MTRF1: variants seen among roughly 807,000 people sequenced by gnomAD.
The protein encoded by MTRF1 is mitochondrial translation release factor 1.
In MTRF1, 51 loss-of-function variants were observed where a neutral mutation model predicts 62.9. The ratio of observed to expected loss-of-function variants is 0.81; its 90% CI spans 0.65 to 1.02. The LOEUF (loss-of-function observed/expected upper bound fraction) is 1.02. MTRF1 is among the 50% of genes least tolerant of loss of function. MTRF1 has a pLI of 0.00. For missense variants in MTRF1, 446 were observed against 530.0 expected (o/e 0.84, Z 1.56); for synonymous variants, 158 against 181.9 (o/e 0.87, Z 1.06).
rs949066760 is a variant in MTRF1, at chr13:41,234,876, C to T, written c.871-869G>A. Among the ~76,000 whole-genome samples the T allele has an allele frequency of 2.6e-5, 4 of 152,114 alleles. No homozygotes were observed. The South Asian group carries it at 6.2e-4, about 24-fold the overall frequency. On this transcript the variant is annotated intron_variant, in intron 6 of 9. Transcript: ENST00000379480. ...TGGAGGTGTAGGGGGCAGAGCAGAG[C>T]AGTGCTCTGGTTCTGGGGCCAATTT... is the stretch of plus-strand genomic sequence containing the variant.
the MTRF1 span, among the ~76,000 whole-genome samples, chr13:41,284,008 AAC>A: frequency 2.0e-5 from 3 of 152,108 alleles, no homozygotes; most frequent in Admixed American, 2.0e-4. Flanking sequence ...CCATCCCCAT[AAC>A]ACAATCAGGT....
chr13:41,237,048 G>A (rs533358284), intron 6 of MTRF1, among the ~76,000 whole-genome samples: 4 of 151,822 alleles, frequency 2.6e-5, no homozygotes, highest in Admixed American at 6.6e-5. Context: ...GCGAAACCTC[G>A]TCGCTACAAA....
chr13:41,247,375 G>A (rs767349957), intron 5 of MTRF1, among the ~76,000 whole-genome samples: 2 of 152,178 alleles, frequency 1.3e-5, no homozygotes, highest in African/African-American at 4.8e-5. Flanking sequence ...CATTGACAGG[G>A]ATGGAGAAAA....
At chr13:41,311,124 C>T in the MTRF1 span, 1 of 280,306 alleles carries the variant, frequency 3.6e-6, no homozygotes, top group Non-Finnish European at 6.8e-6. Flanking sequence ...GCCGAGATTG[C>T]GGCGAGGAGA....
chr13:41,306,461 C>T, the MTRF1 span, among the ~76,000 whole-genome samples: 17 of 151,906 alleles, frequency 1.1e-4, no homozygotes, highest in Non-Finnish European at 2.2e-4. Flanking sequence ...GGGTGGAACA[C>T]GTTGTATAAC....
intron 3 of MTRF1, among the ~76,000 whole-genome samples, chr13:41,253,466 C>T (rs2039332400): frequency 1.3e-5 from 2 of 152,210 alleles, no homozygotes. Flanking sequence ...ACCAGCCATG[C>T]TGTGCCTTCT....
chr13:41,254,272 C>T (rs554801737), intron 3 of MTRF1, among the ~76,000 whole-genome samples: 2 of 152,236 alleles, frequency 1.3e-5, no homozygotes, highest in South Asian at 2.1e-4. Context: ...TTTACCAGCA[C>T]GTATTCTCTT....
intron 8 of MTRF1, among the ~76,000 whole-genome samples, chr13:41,224,597 A>G (rs2034018245): frequency 6.6e-6 from 1 of 152,182 alleles, no homozygotes; most frequent in East Asian, 1.9e-4. Flanking sequence ...GTCCCAAAGC[A>G]CCATATTAAT....
the MTRF1 span, chr13:41,311,273 C>A: frequency 5.4e-6 from 3 of 554,772 alleles, no homozygotes; most frequent in South Asian, 6.7e-5. Context: ...TCTTGCAGTG[C>A]GCGGGAACCG....
At chr13:41,258,122 T>C (rs1162236433) in intron 2 of MTRF1, among the ~76,000 whole-genome samples, 1 of 152,204 alleles carries the variant, frequency 6.6e-6, no homozygotes, top group East Asian at 1.9e-4. Flanking sequence ...CAAATCTGTG[T>C]GGCATTATGC....
At chr13:41,248,100 G>A (rs758823846) in intron 5 of MTRF1, among the ~76,000 whole-genome samples, 64 of 151,998 alleles carry the variant, frequency 4.2e-4, no homozygotes, top group Non-Finnish European at 4.6e-4. Context: ...GGTATCCTGG[G>A]GTGTCTCCTC....
chr13:41,233,072 A>T (rs1429618005), intron 7 of MTRF1, among the ~76,000 whole-genome samples: 2 of 152,224 alleles, frequency 1.3e-5, no homozygotes, highest in African/African-American at 4.8e-5. Context: ...AAAGGTATAT[A>T]AGAAGGGCAA....
the MTRF1 span, among the ~76,000 whole-genome samples, chr13:41,272,856 G>A: frequency 1.2e-3 from 189 of 152,224 alleles, no homozygotes; most frequent in African/African-American, 4.2e-3. Context: ...AAAGGCAGGC[G>A]GGGGCAGGGG....
chr13:41,310,995 ATAAG>A, the MTRF1 span, among the ~76,000 whole-genome samples: 5 of 152,364 alleles, frequency 3.3e-5, no homozygotes, highest in Admixed American at 6.5e-5. Flanking sequence ...GAAGCAGACA[ATAAG>A]TAGGAGTCTT....
chr13:41,238,582 TC>T (rs542771069), intron 6 of MTRF1, among the ~76,000 whole-genome samples: 199 of 152,238 alleles, frequency 1.3e-3, no homozygotes, highest in Admixed American at 2.1e-3. Flanking sequence ...ATCTTGCAAC[TC>T]CAAAGTAAAG....
chr13:41,300,413 C>T, the MTRF1 span, among the ~76,000 whole-genome samples: 6 of 152,086 alleles, frequency 3.9e-5, no homozygotes, highest in Non-Finnish European at 5.9e-5. Context: ...GGTGAAACCC[C>T]GTCTCTACTA....
chr13:41,291,640 CTT>C, the MTRF1 span, among the ~76,000 whole-genome samples: 1 of 151,978 alleles, frequency 6.6e-6, no homozygotes, highest in South Asian at 2.1e-4. Context: ...TAGGTAGAGA[CTT>C]TTGGAATTTC....
At chr13:41,231,846 G>A (rs1186638423) in intron 7 of MTRF1, among the ~76,000 whole-genome samples, 2 of 144,736 alleles carry the variant, frequency 1.4e-5, no homozygotes, top group African/African-American at 5.2e-5. Context: ...TTGGAGACCA[G>A]CTTGGGCAAT....
chr13:41,221,156 C>CT (rs373390151), intron 9 of MTRF1, among the ~76,000 whole-genome samples: 8,097 of 140,730 alleles, frequency 0.058, 340 homozygotes, highest in Non-Finnish European at 0.086. Flanking sequence ...GTTATTCACT[C>CT]TTTTTTTTTT....
Sources: gnomAD v4.1 joint callset for allele counts (sites outside exome capture counted in the v4.1 genomes callset) on GRCh38, gnomAD v4.1.1 for gene constraint, MANE v1.5 for transcripts, NCBI Gene and HGNC (gene_info 2026-07-23, HGNC 2026-07-21) for gene names.